TAB2: variants seen among roughly 807,000 people sequenced by gnomAD.
TAB2 encodes the protein TGF-beta-activated kinase 1 and MAP3K7-binding protein 2.
Under a neutral mutation model 65.0 loss-of-function variants are expected in TAB2, and 3 were observed. The observed-to-expected ratio is 0.05, with a 90% CI of 0.02 to 0.12. The LOEUF is 0.12. TAB2 is among the 10% of genes least tolerant of loss of function. The pLI is 1.00. For missense variants in TAB2, 623 were observed against 840.3 expected, an observed-to-expected ratio of 0.74 and a Z score of 3.20; for synonymous variants, 298 against 285.1, an observed-to-expected ratio of 1.05 and a Z score of -0.46.
rs796613175 is a variant in TAB2, at chr6:149,287,493, T to A, written c.-121+68717T>A. ...AAACTTTGTTTTCTGTTTTTTTTTT[T>A]AAAAAGAAAGTATTAGAAAATTGTG... On this transcript the variant is annotated intron_variant, in intron 1 of 1. Transcript: ENST00000606202. Among the ~76,000 whole-genome samples the A allele has an allele frequency of 2.5e-3, 380 of 150,776 alleles. 3 individuals carry two copies. The highest frequency in any genetic ancestry group is 0.014 in the Middle Eastern group (4 of 294).
intron 1 of TAB2, among the ~76,000 whole-genome samples, chr6:149,279,200 G>A (rs1317994300): frequency 1.3e-5 from 2 of 152,088 alleles, no homozygotes; most frequent in African/African-American, 4.8e-5. Flanking sequence ...AGTGTTCACC[G>A]TGCCTGACCA....
At position 149,379,071 on chromosome 6, in the gene TAB2, A is replaced by G; in HGVS notation, c.1156A>G (p.Lys386Glu). The G allele has an allele frequency of 6.2e-7, 1 of 1,614,132 alleles. No individual in the cohort carries two copies. The highest frequency in any genetic ancestry group is 8.5e-7 in the Non-Finnish European group (1 of 1,180,032). The change falls in exon 3 of 7, where the codon AAG (lysine) becomes GAG (glutamate). Residue 386 changes from lysine (K) to glutamate (E), a missense_variant. Physicochemically the swap from Lys to Glu is moderately conservative, Grantham distance 56. Around this residue, in one of 3 missense-constraint regions of TAB2, gnomAD observed 550 missense variants for 665.7 expected, o/e 0.83. Coordinates refer to ENST00000637181, the MANE Select transcript of TAB2 (RefSeq NM_001292034.3). ...TDELMSRSQP[K>E]VYISANAATG... ...TGAGCTGATGTCCCGTAGTCAACCT[A>G]AGGTCTATATTTCAGCGAATGCTGC...
At chr6:149,324,965 T>G (rs1779557941) in intron 1 of TAB2, among the ~76,000 whole-genome samples, 1 of 152,022 alleles carries the variant, frequency 6.6e-6, no homozygotes. Flanking sequence ...TCCAGCTGAT[T>G]TCTAAAAATT....
chr6:149,294,796 A>T (rs980354481), intron 1 of TAB2, among the ~76,000 whole-genome samples: 2 of 152,192 alleles, frequency 1.3e-5, no homozygotes, highest in Admixed American at 1.3e-4. Flanking sequence ...TTCTGGTGCA[A>T]ATTCTCCCAC....
At chr6:149,221,124 C>T (rs1443673270) in intron 1 of TAB2, 2 of 152,206 alleles carry the variant, frequency 1.3e-5, no homozygotes, top group African/African-American at 4.8e-5. Context: ...AACAAAGCAG[C>T]ACGTTTAGCT....
intron 3 of TAB2, 126 bp from the exon 4 acceptor site, chr6:149,397,478 C>CT (rs1562452328): frequency 1.9e-6 from 2 of 1,079,384 alleles, no homozygotes; most frequent in African/African-American, 3.2e-5. Context: ...AATGCCTAAA[C>CT]TTACAATATT....
chr6:149,366,669 A>G (rs1252672385), intron 1 of TAB2, among the ~76,000 whole-genome samples: 1 of 151,950 alleles, frequency 6.6e-6, no homozygotes, highest in Non-Finnish European at 1.5e-5. Context: ...GTAGTTTTTT[A>G]TGCATTTCTA....
chr6:149,362,189 T>C (rs1780873699), intron 1 of TAB2, among the ~76,000 whole-genome samples: 1 of 152,232 alleles, frequency 6.6e-6, no homozygotes, highest in South Asian at 2.1e-4. Flanking sequence ...CAGTTTTCTA[T>C]GTTAGACCAT....
chr6:149,282,917 T>C (rs796252959), intron 1 of TAB2, among the ~76,000 whole-genome samples: 8 of 152,324 alleles, frequency 5.3e-5, no homozygotes, highest in African/African-American at 1.9e-4. Context: ...CAAAACAGCA[T>C]TCTTAACTGC....
chr6:149,298,222 T>G (rs1778911404), intron 1 of TAB2, among the ~76,000 whole-genome samples: 1 of 152,244 alleles, frequency 6.6e-6, no homozygotes, highest in Non-Finnish European at 1.5e-5. Flanking sequence ...AAAATATGCA[T>G]GCTATTCCTC....
At chr6:149,297,921 G>A (rs477088) in intron 1 of TAB2, among the ~76,000 whole-genome samples, 2 of 151,832 alleles carry the variant, frequency 1.3e-5, no homozygotes, top group East Asian at 3.9e-4. Flanking sequence ...TAGTATTTTT[G>A]CTGATTATAC....
chr6:149,268,450 A>G (rs367915585), intron 1 of TAB2, among the ~76,000 whole-genome samples: 15 of 152,332 alleles, frequency 9.8e-5, no homozygotes, highest in East Asian at 3.9e-4. Flanking sequence ...TCTAATTCTC[A>G]TCATTTTCAT....
At chr6:149,289,877 G>A (rs188783326) in intron 1 of TAB2, among the ~76,000 whole-genome samples, 2 of 152,218 alleles carry the variant, frequency 1.3e-5, no homozygotes, top group African/African-American at 4.8e-5. Context: ...AGGAACAACT[G>A]GAAACATGTG....
intron 1 of TAB2, among the ~76,000 whole-genome samples, chr6:149,270,021 T>G (rs1043217073): frequency 2.6e-5 from 4 of 152,234 alleles, no homozygotes; most frequent in Admixed American, 2.6e-4. Flanking sequence ...GCTGCCAAAC[T>G]GTTTTCCAAA....
chr6:149,271,027 T>C (rs1392284376), intron 1 of TAB2, among the ~76,000 whole-genome samples: 2 of 150,814 alleles, frequency 1.3e-5, no homozygotes, highest in Non-Finnish European at 3.0e-5. Context: ...GCTCTATCTC[T>C]CTGCACCTTA....
rs760222192 is a variant in TAB2, at chr6:149,378,425, A to G, written c.510A>G (p.Gln170=). 6.2e-7 allele frequency: 1 copy of G among 1,614,172 alleles called. No homozygotes were observed. The highest frequency in any genetic ancestry group is 1.1e-5 in the South Asian group (1 of 91,084). The part of the protein sequence containing the change: ...GSKGTSSLSQ[Q]TPRFNPIMVT... The stretch of plus-strand genomic sequence containing the variant: ...AAGGAACATCTAGCCTTTCTCAACA[A>G]ACTCCCAGATTTAATCCCATTATGG... The change falls in exon 3 of 7, where the codon CAA becomes CAG. Residue 170 remains glutamine, a synonymous_variant. Transcript: ENST00000637181.
At chr6:149,312,000 T>A (rs566001459) in intron 1 of TAB2, among the ~76,000 whole-genome samples, 89 of 152,346 alleles carry the variant, frequency 5.8e-4, no homozygotes, top group South Asian at 1.0e-3. Context: ...TGAAAGAGAC[T>A]ACAATATGTC....
At chr6:149,292,508 TA>T (rs762681921) in intron 1 of TAB2, among the ~76,000 whole-genome samples, 23 of 152,140 alleles carry the variant, frequency 1.5e-4, no homozygotes, top group Admixed American at 4.6e-4. Flanking sequence ...AAAAAGAGAA[TA>T]AAATAAACTT....
At chr6:149,394,674 C>G (rs1782109977) in intron 3 of TAB2, among the ~76,000 whole-genome samples, 1 of 152,150 alleles carries the variant, frequency 6.6e-6, no homozygotes, top group Non-Finnish European at 1.5e-5. Flanking sequence ...GCACCACAGT[C>G]TTCAGATACT....
Sources: allele counts gnomAD v4.1 joint callset (sites outside exome capture counted in the v4.1 genomes callset), GRCh38; gene constraint gnomAD v4.1.1; regional missense constraint gnomAD v4.1.1; transcripts MANE v1.5; gene names NCBI Gene and HGNC (gene_info 2026-07-23, HGNC 2026-07-21).